The following STXBP5L variants were observed in gnomAD, a reference collection of about 807,000 sequenced individuals.
STXBP5L encodes syntaxin binding protein 5L.
A neutral mutation model predicts 144.5 loss-of-function variants in STXBP5L; 65 were observed. The observed-to-expected ratio is 0.45, with a 90% CI of 0.37 to 0.55. The LOEUF (loss-of-function observed/expected upper bound fraction) is 0.55, where lower values mean the gene tolerates loss of function less well. Among genes scored for constraint, STXBP5L ranks in the 20% least tolerant of loss-of-function variants. The pLI, the probability that STXBP5L is intolerant of heterozygous loss-of-function variation, is 0.00. For synonymous variants in STXBP5L, 505 were observed against 469.6 expected, an observed-to-expected ratio of 1.08 and a Z score of -0.97; for missense variants, 1,298 against 1,405.5, an observed-to-expected ratio of 0.92 and a Z score of 1.22.
chr3:120,953,152 G>A (rs1242474514), intron 2 of STXBP5L, among the ~76,000 whole-genome samples: 8 of 151,830 alleles, frequency 5.3e-5, no homozygotes, highest in Non-Finnish European at 7.4e-5. Context: ...AACAAGAAAT[G>A]GATCTTACAG....
intron 20 of STXBP5L, among the ~76,000 whole-genome samples, chr3:121,368,937 G>A (rs1282409720): frequency 2.0e-5 from 3 of 152,180 alleles, no homozygotes; most frequent in Non-Finnish European, 4.4e-5. Flanking sequence ...GGGCTTGCGG[G>A]AATGAGGGTA....
intron 3 of STXBP5L, among the ~76,000 whole-genome samples, chr3:120,993,994 C>G (rs1286909952): frequency 6.6e-6 from 1 of 151,854 alleles, no homozygotes; most frequent in Non-Finnish European, 1.5e-5. Context: ...TTGTAGTTTT[C>G]CTTGGAGAGG....
chr3:121,174,002 T>G (rs559750173), intron 9 of STXBP5L, among the ~76,000 whole-genome samples: 1 of 152,130 alleles, frequency 6.6e-6, no homozygotes, highest in Non-Finnish European at 1.5e-5. Flanking sequence ...ATATGCAATA[T>G]GCTGGAGAGA....
intron 4 of STXBP5L, among the ~76,000 whole-genome samples, chr3:121,045,222 T>A (rs1947431518): frequency 6.6e-6 from 1 of 152,154 alleles, no homozygotes; most frequent in Non-Finnish European, 1.5e-5. Context: ...CTAGTCTCCC[T>A]GACCGTTGAA....
chr3:121,092,333 T>A (rs1324748100), intron 5 of STXBP5L, among the ~76,000 whole-genome samples: 1 of 152,138 alleles, frequency 6.6e-6, no homozygotes, highest in Admixed American at 6.6e-5. Flanking sequence ...TTGATGGGGA[T>A]GGCATTGAAT....
intron 22 of STXBP5L, among the ~76,000 whole-genome samples, chr3:121,398,758 G>A (rs1157001876): frequency 6.6e-6 from 1 of 152,060 alleles, no homozygotes; most frequent in Non-Finnish European, 1.5e-5. Context: ...ACCATCACAG[G>A]CCTTGATATA....
intron 2 of STXBP5L, among the ~76,000 whole-genome samples, chr3:120,926,308 A>G (rs373660463): frequency 1.3e-5 from 2 of 148,538 alleles, no homozygotes; most frequent in East Asian, 3.9e-4. Context: ...TCTCTCCTTC[A>G]TAGTTGAAGA....
chr3:121,038,098 G>C (rs1174746472), intron 3 of STXBP5L, among the ~76,000 whole-genome samples: 2 of 151,590 alleles, frequency 1.3e-5, no homozygotes, highest in African/African-American at 4.8e-5. Context: ...ACTAGGTTTT[G>C]GTTTCACTTT....
At chr3:121,346,905 C>T (rs1167649945) in intron 20 of STXBP5L, among the ~76,000 whole-genome samples, 1 of 152,120 alleles carries the variant, frequency 6.6e-6, no homozygotes, top group African/African-American at 2.4e-5. Flanking sequence ...TGTACATTGC[C>T]TGTTCACTCT....
chr3:121,070,094 T>C (rs1490450428), intron 5 of STXBP5L, among the ~76,000 whole-genome samples: 1 of 152,202 alleles, frequency 6.6e-6, no homozygotes, highest in Non-Finnish European at 1.5e-5. Flanking sequence ...CTGAAAAAGG[T>C]TCAGGAAAGT....
rs1326390293 is a variant in STXBP5L, at chr3:121,419,895, C to T, written c.*798C>T. On this transcript the variant is annotated 3_prime_UTR_variant, in exon 27 of 27. Coordinates refer to ENST00000471454, the MANE Select transcript of STXBP5L (RefSeq NM_001308330.2). ...CCTCAAAGCATTTTCTTCAGCCTGG[C>T]TTGTACTCTATAGGGGAGTTGGTAG... 1 of 152,158 alleles carries T rather than the reference C, an allele frequency of 6.6e-6. No homozygotes were observed. The allele number at this position is 152,158 out of a possible 1,614,324, so 9.4% of individuals were successfully genotyped here.
rs376425397 is a variant in STXBP5L at position 121,038,490 on chromosome 3, C to T, written c.288-3210C>T. On this transcript the variant is annotated intron_variant, in intron 3 of 26. Transcript: ENST00000471454. Reference sequence around the variant, plus strand: ...TTTATGATTTCAATACTTTTAAATGCTTTGATACTTGTTTTATAGTTCGAA... The same window carrying T: ...TTTATGATTTCAATACTTTTAAATGTTTTGATACTTGTTTTATAGTTCGAA... Among the ~76,000 whole-genome samples the T allele has an allele frequency of 2.6e-5, 4 of 151,842 alleles. No homozygotes were observed. The East Asian group carries it at 7.7e-4, about 29-fold the overall frequency.
At chr3:121,203,822 G>A (rs1024641480) in intron 9 of STXBP5L, among the ~76,000 whole-genome samples, 2 of 152,298 alleles carry the variant, frequency 1.3e-5, no homozygotes, top group Middle Eastern at 3.4e-3. Context: ...GTGCTGGATG[G>A]AAAAGACATA....
At position 121,254,883 on chromosome 3, in the gene STXBP5L, G is replaced by T; in HGVS notation, c.1442-12G>T. On this transcript the variant is annotated splice_polypyrimidine_tract_variant and intron_variant, in intron 15 of 26. Coordinates refer to ENST00000471454, the MANE Select transcript of STXBP5L (RefSeq NM_001308330.2). The stretch of plus-strand genomic sequence containing the variant: ...TTAAATTAGAAGATAACTGTGCTTC[G>T]ATGTCTTATAGTAACTCTGCAGATG... 1 of 1,577,036 alleles carries T rather than the reference G, an allele frequency of 6.3e-7. No individual in the cohort carries two copies. The highest frequency in any genetic ancestry group is 8.6e-7 in the Non-Finnish European group (1 of 1,164,200).
At chr3:121,341,161 A>T (rs2044695803) in intron 20 of STXBP5L, among the ~76,000 whole-genome samples, 1 of 152,174 alleles carries the variant, frequency 6.6e-6, no homozygotes, top group African/African-American at 2.4e-5. Context: ...ACAACTCTGT[A>T]GGAAAAAAGC....
chr3:121,001,517 C>G (rs1297177385), intron 3 of STXBP5L, among the ~76,000 whole-genome samples: 1 of 152,162 alleles, frequency 6.6e-6, no homozygotes, highest in Non-Finnish European at 1.5e-5. Flanking sequence ...CAGCCATTCC[C>G]ACGTCAAACC....
chr3:121,000,180 A>T (rs1372630298), intron 3 of STXBP5L, among the ~76,000 whole-genome samples: 3 of 152,168 alleles, frequency 2.0e-5, no homozygotes, highest in African/African-American at 7.2e-5. Context: ...GGAAATTTTC[A>T]TGAAGAAAAT....
intron 20 of STXBP5L, among the ~76,000 whole-genome samples, chr3:121,370,216 A>T (rs1314606812): frequency 6.6e-6 from 1 of 152,090 alleles, no homozygotes; most frequent in Non-Finnish European, 1.5e-5. Context: ...AATACAAAAA[A>T]AATTAGCCAG....
At chr3:121,114,863 A>G in intron 5 of STXBP5L, 62 bp from the exon 6 acceptor site, 1 of 1,213,004 alleles carries the variant, frequency 8.2e-7, no homozygotes, top group Non-Finnish European at 1.1e-6. Context: ...ACATGTAAGG[A>G]AAATATAATG....
Sources: allele counts gnomAD v4.1 joint callset (sites outside exome capture counted in the v4.1 genomes callset), GRCh38; gene constraint gnomAD v4.1.1; transcripts MANE v1.5; gene names NCBI Gene and HGNC (gene_info 2026-07-23, HGNC 2026-07-21).